TMTC1: variants seen among roughly 807,000 people sequenced by gnomAD.
The protein encoded by TMTC1 is protein O-mannosyl-transferase TMTC1.
A neutral mutation model predicts 104.8 loss-of-function variants in TMTC1; 73 were observed. The observed-to-expected ratio is 0.70, with a 90% confidence interval of 0.58 to 0.85. The LOEUF is 0.85. Among genes scored for constraint, TMTC1 ranks in the 40% least tolerant of loss-of-function variants. The pLI, the probability that TMTC1 is intolerant of heterozygous loss-of-function variation, is 0.00. For missense variants in TMTC1, 1,035 were observed against 1,096.1 expected, an observed-to-expected ratio of 0.94 and a Z score of 0.79; for synonymous variants, 434 against 428.7, an observed-to-expected ratio of 1.01 and a Z score of -0.15.
chr12:29,501,567 GATAA>G lies in TMTC1; in HGVS notation c.*5275_*5278del, dbSNP rs151141183. The stretch of plus-strand genomic sequence containing the variant: ...GTGTACCCCTCCTATGGACCAGCAA[GATAA>G]ATAACCCCCAAAGGACATCACACAT... On this transcript the variant is annotated 3_prime_UTR_variant, in exon 18 of 18. Transcript: ENST00000539277. 11,078 of 152,064 alleles carry G rather than the reference GATAA, an allele frequency of 0.073. 506 individuals are homozygous for G. The highest frequency in any genetic ancestry group is 0.11 in the East Asian group (575 of 5,162). The allele number at this position is 152,064 out of a possible 1,614,324, so 9.4% of individuals were successfully genotyped here.
intron 11 of TMTC1, among the ~76,000 whole-genome samples, chr12:29,530,530 A>T (rs547495868): frequency 1.4e-4 from 22 of 152,148 alleles, no homozygotes; most frequent in Non-Finnish European, 2.8e-4. Context: ...TGCACATGGG[A>T]TGTATGTAAC....
At chr12:29,519,250 C>T (rs1261314974) in intron 12 of TMTC1, 4 of 151,906 alleles carry the variant, frequency 2.6e-5, no homozygotes, top group Non-Finnish European at 4.4e-5. Context: ...TTTTTTTATA[C>T]AATTTAGCTG....
chr12:29,702,384 CAT>C (rs1374948953), intron 5 of TMTC1, among the ~76,000 whole-genome samples: 1 of 152,184 alleles, frequency 6.6e-6, no homozygotes, highest in Non-Finnish European at 1.5e-5. Context: ...TAAGCTCACT[CAT>C]ATGGTCACTG....
At chr12:29,698,303 A>G (rs376165076) in intron 5 of TMTC1, among the ~76,000 whole-genome samples, 140 of 152,224 alleles carry the variant, frequency 9.2e-4, no homozygotes, top group African/African-American at 3.2e-3. Context: ...CCCTTGCCCT[A>G]TGTGGAAGTG....
intron 7 of TMTC1, among the ~76,000 whole-genome samples, chr12:29,600,621 C>T (rs1172760543): frequency 6.6e-6 from 1 of 152,154 alleles, no homozygotes; most frequent in East Asian, 1.9e-4. Context: ...CCTAAGATTC[C>T]TCCCGTGTCA....
chr12:29,601,945 C>T (rs1946577600), intron 7 of TMTC1, among the ~76,000 whole-genome samples: 1 of 151,266 alleles, frequency 6.6e-6, no homozygotes, highest in Non-Finnish European at 1.5e-5. Flanking sequence ...ACACCATTCT[C>T]CTTCCTCAGC....
chr12:29,755,966 T>A, intron 3 of TMTC1, 81 bp from the exon 4 acceptor site: 1 of 1,386,288 alleles, frequency 7.2e-7, no homozygotes, highest in Non-Finnish European at 9.8e-7. Flanking sequence ...AGATAAGATC[T>A]AATGTCAATT....
intron 5 of TMTC1, among the ~76,000 whole-genome samples, chr12:29,736,683 G>T (rs1266820989): frequency 6.6e-6 from 1 of 152,162 alleles, no homozygotes; most frequent in Non-Finnish European, 1.5e-5. Context: ...CTCCCAAAGT[G>T]CTGGGATTAC....
At chr12:29,642,280 C>T (rs1409131440) in intron 5 of TMTC1, among the ~76,000 whole-genome samples, 1 of 152,124 alleles carries the variant, frequency 6.6e-6, no homozygotes, top group Non-Finnish European at 1.5e-5. Context: ...TGCCTAGGCA[C>T]GTTGTCATCA....
intron 5 of TMTC1, among the ~76,000 whole-genome samples, chr12:29,682,316 T>C (rs991108733): frequency 2.6e-5 from 4 of 152,158 alleles, no homozygotes; most frequent in African/African-American, 9.7e-5. Context: ...CTCTGGAATA[T>C]AGTTTGGCAG....
At chr12:29,596,479 A>G (rs1946408184) in intron 7 of TMTC1, among the ~76,000 whole-genome samples, 1 of 152,204 alleles carries the variant, frequency 6.6e-6, no homozygotes, top group Non-Finnish European at 1.5e-5. Context: ...CACTCCTGCT[A>G]TGAAAAGAGA....
chr12:29,733,530 T>C (rs1030531699), intron 5 of TMTC1, among the ~76,000 whole-genome samples: 6 of 152,244 alleles, frequency 3.9e-5, no homozygotes, highest in African/African-American at 1.4e-4. Context: ...ACAGCCATTT[T>C]AGTGACATAG....
chr12:29,574,397 C>G (rs1251957961), intron 8 of TMTC1, among the ~76,000 whole-genome samples: 1 of 152,090 alleles, frequency 6.6e-6, no homozygotes, highest in Non-Finnish European at 1.5e-5. Context: ...AATTATTCTA[C>G]AGATAAGAAA....
chr12:29,617,098 T>A (rs1947003112), intron 6 of TMTC1, among the ~76,000 whole-genome samples: 1 of 152,018 alleles, frequency 6.6e-6, no homozygotes, highest in Non-Finnish European at 1.5e-5. Flanking sequence ...ACATATTTCT[T>A]CTGCTTGTTT....
chr12:29,753,974 C>G (rs921677498), intron 4 of TMTC1, among the ~76,000 whole-genome samples: 25 of 152,200 alleles, frequency 1.6e-4, no homozygotes, highest in African/African-American at 4.6e-4. Context: ...TCAAGCAATT[C>G]TCCTTCCTCA....
chr12:29,637,768 A>G (rs1390617429), intron 5 of TMTC1, among the ~76,000 whole-genome samples: 2 of 152,228 alleles, frequency 1.3e-5, no homozygotes, highest in African/African-American at 2.4e-5. Context: ...TGAGCCTAAC[A>G]TATTTCTTTG....
At chr12:29,530,478 T>C (rs1944471985) in intron 11 of TMTC1, among the ~76,000 whole-genome samples, 1 of 152,174 alleles carries the variant, frequency 6.6e-6, no homozygotes, top group Admixed American at 6.5e-5. Flanking sequence ...AGACTGTGCA[T>C]AGGGTGCCTC....
intron 7 of TMTC1, among the ~76,000 whole-genome samples, chr12:29,587,358 G>A (rs1946166265): frequency 6.6e-6 from 1 of 151,102 alleles, no homozygotes; most frequent in Non-Finnish European, 1.5e-5. Flanking sequence ...TTTTTAGACA[G>A]GGACTCACTT....
intron 6 of TMTC1, among the ~76,000 whole-genome samples, chr12:29,608,422 C>T (rs983217458): frequency 2.0e-5 from 3 of 152,314 alleles, no homozygotes; most frequent in African/African-American, 7.2e-5. Context: ...TGGAAATTCA[C>T]TTATTCCCAA....
Sources: gnomAD v4.1 joint callset for allele counts (sites outside exome capture counted in the v4.1 genomes callset) on GRCh38, gnomAD v4.1.1 for gene constraint, MANE v1.5 for transcripts, NCBI Gene and HGNC (gene_info 2026-07-23, HGNC 2026-07-21) for gene names.